The following EYA3 variants were observed in gnomAD, a reference collection of about 807,000 sequenced individuals.
EYA3 encodes EYA transcriptional coactivator and phosphatase 3.
Under a neutral mutation model 80.0 loss-of-function variants are expected in EYA3, and 39 were observed. The observed-to-expected ratio is 0.49, with a 90% confidence interval of 0.38 to 0.64. The LOEUF (loss-of-function observed/expected upper bound fraction) is 0.64, where lower values mean the gene tolerates loss of function less well. Among genes scored for constraint, EYA3 ranks in the 30% least tolerant of loss-of-function variants. The pLI, the probability that EYA3 is intolerant of heterozygous loss-of-function variation, is 0.00. For synonymous variants in EYA3, 206 were observed against 232.8 expected (o/e 0.88, Z 1.05); for missense variants, 523 against 676.1 (o/e 0.77, Z 2.51).
chr1:28,055,656 A>G (rs1215924045), intron 2 of EYA3, among the ~76,000 whole-genome samples: 1 of 151,962 alleles, frequency 6.6e-6, no homozygotes, highest in Admixed American at 6.6e-5. Flanking sequence ...TTTTTAGTAG[A>G]GATGGGGTCT....
chr1:27,993,567 G>A lies in EYA3; in HGVS notation c.1143-7C>T. ...TGTTGAGAAACTGTAGTTGCTGCAAGGAGAGAAGATAATAAAAATTAAAAT... is the reference window on the plus strand; with the variant it reads ...TGTTGAGAAACTGTAGTTGCTGCAAAGAGAGAAGATAATAAAAATTAAAAT... On this transcript the variant is annotated splice_region_variant and splice_polypyrimidine_tract_variant and intron_variant, in intron 13 of 17. Transcript: ENST00000373871. The A allele has an allele frequency of 6.4e-7, 1 of 1,567,712 alleles. No homozygotes were observed. Among genetic ancestry groups the A allele is most frequent in the Non-Finnish European group, 8.6e-7 (1 of 1,164,838 alleles).
At chr1:27,992,400 G>A (rs1461754912) in intron 14 of EYA3, among the ~76,000 whole-genome samples, 1 of 152,136 alleles carries the variant, frequency 6.6e-6, no homozygotes, top group African/African-American at 2.4e-5. Context: ...ACTCCTATGA[G>A]AATCTAATGC....
At chr1:28,059,455 C>A (rs541581751) in intron 1 of EYA3, among the ~76,000 whole-genome samples, 3 of 152,216 alleles carry the variant, frequency 2.0e-5, no homozygotes, top group African/African-American at 2.4e-5. Context: ...ATCTTCCCTG[C>A]ACTTGTTTTG....
In EYA3 at chr1:28,062,793, G is replaced by A. The variant is rs117666399; in HGVS notation, c.-68-4699C>T. On this transcript the variant is annotated intron_variant, in intron 1 of 17. Transcript: ENST00000373871. ...AAGCAGGCGGATCACTTGAGGTCAG[G>A]AGTTTCAAACTAGCCTGGCCAACAT... is the stretch of plus-strand genomic sequence containing the variant. Among the ~76,000 whole-genome samples, 184 of 151,926 alleles carry A rather than the reference G, an allele frequency of 1.2e-3. 2 individuals are homozygous for A. The East Asian group carries it at 0.032, about 26-fold the overall frequency.
At chr1:28,015,020 TG>T (rs1404503201) in intron 8 of EYA3, among the ~76,000 whole-genome samples, 2 of 152,192 alleles carry the variant, frequency 1.3e-5, no homozygotes, top group African/African-American at 4.8e-5. Flanking sequence ...TATATGTATG[TG>T]TGTATTTGTG....
chr1:28,076,211 T>G lies in EYA3; in HGVS notation c.-69+12313A>C, dbSNP rs555106602. On this transcript the variant is annotated intron_variant, in intron 1 of 17. Transcript: ENST00000373871. ...TAAATAAATAGTGCAGCCAACTGACTGCAGTAAATTTGGTGAATTCTTCTG... is the reference window on the plus strand; with the variant it reads ...TAAATAAATAGTGCAGCCAACTGACGGCAGTAAATTTGGTGAATTCTTCTG... Among the ~76,000 whole-genome samples the G allele has an allele frequency of 3.3e-5, 5 of 152,226 alleles. No individual in the cohort carries two copies. In the South Asian group the frequency reaches 1.0e-3, roughly 32 times the overall value.
chr1:28,051,839 C>T (rs1644262152), intron 2 of EYA3, among the ~76,000 whole-genome samples: 1 of 151,816 alleles, frequency 6.6e-6, no homozygotes, highest in African/African-American at 2.4e-5. Flanking sequence ...GGTAATACTC[C>T]CCAAATTGGT....
intron 9 of EYA3, among the ~76,000 whole-genome samples, chr1:28,011,305 C>T (rs1641682129): frequency 6.6e-6 from 1 of 152,140 alleles, no homozygotes; most frequent in African/African-American, 2.4e-5. Context: ...TATATGCTTA[C>T]CCCATGATAG....
In EYA3 at chr1:27,971,690, A is replaced by C. The variant is rs1406257376; in HGVS notation, c.*2776T>G. The C allele has an allele frequency of 1.3e-5, 2 of 151,756 alleles. No homozygotes were observed. The highest frequency in any genetic ancestry group is 2.9e-5 in the Non-Finnish European group (2 of 67,994). The allele number at this position is 151,756 out of a possible 1,614,324, so 9.4% of individuals were successfully genotyped here. A position where few individuals can be genotyped will look rare whatever the true frequency, so the allele number is the denominator to read the frequency against. On this transcript the variant is annotated 3_prime_UTR_variant, in exon 18 of 18. Coordinates refer to ENST00000373871, the MANE Select transcript of EYA3 (RefSeq NM_001990.4). Reference sequence around the variant, plus strand: ...ATTTGGCTAATTTCATGAGGACTCTAATGAAGAGGGTCTCCCCCTTGATGA... The same window carrying C: ...ATTTGGCTAATTTCATGAGGACTCTCATGAAGAGGGTCTCCCCCTTGATGA...
intron 7 of EYA3, among the ~76,000 whole-genome samples, chr1:28,019,195 A>T (rs559531181): frequency 6.6e-6 from 1 of 152,204 alleles, no homozygotes; most frequent in Admixed American, 6.6e-5. Context: ...TAAAACAACA[A>T]AAACAAAAAC....
intron 7 of EYA3, among the ~76,000 whole-genome samples, chr1:28,024,013 C>T (rs766457389): frequency 1.7e-4 from 26 of 152,102 alleles, no homozygotes; most frequent in Non-Finnish European, 3.2e-4. Context: ...CCGAGGCAGG[C>T]GGATCACTTG....
chr1:27,991,879 A>G (rs1164438494), intron 14 of EYA3, among the ~76,000 whole-genome samples: 2 of 152,212 alleles, frequency 1.3e-5, no homozygotes, highest in Non-Finnish European at 2.9e-5. Context: ...GGGAAAAGAT[A>G]AAGAGACTCA....
At chr1:28,074,508 ACTTT>A (rs1391896605) in intron 1 of EYA3, among the ~76,000 whole-genome samples, 5 of 144,190 alleles carry the variant, frequency 3.5e-5, no homozygotes, top group Admixed American at 7.0e-5. Context: ...AGTTCTTTGA[ACTTT>A]CTTTTTTTTT....
At chr1:28,058,146 A>G (rs542006885) in intron 1 of EYA3, 52 bp from the exon 2 acceptor site, 67 of 663,204 alleles carry the variant, frequency 1.0e-4, no homozygotes, top group Middle Eastern at 3.5e-4. Flanking sequence ...AAGTATTATC[A>G]TTGAGGCCAT....
At chr1:28,028,734 T>C (rs1571843381) in intron 6 of EYA3, among the ~76,000 whole-genome samples, 1 of 152,236 alleles carries the variant, frequency 6.6e-6, no homozygotes, top group East Asian at 1.9e-4. Context: ...CTTCTATGTA[T>C]TCACTAATCT....
At chr1:27,986,580 A>G (rs1217436250) in intron 16 of EYA3, among the ~76,000 whole-genome samples, 1 of 151,770 alleles carries the variant, frequency 6.6e-6, no homozygotes, top group Non-Finnish European at 1.5e-5. Flanking sequence ...TATTTTTAGT[A>G]GAGACAGAGT....
At chr1:28,062,998 C>T (rs908716002) in intron 1 of EYA3, among the ~76,000 whole-genome samples, 3 of 142,958 alleles carry the variant, frequency 2.1e-5, no homozygotes, top group Admixed American at 1.4e-4. Context: ...AACTGACTAA[C>T]GCTCCATCTC....
At chr1:28,073,127 A>ATATATATATTTT (rs1553157671) in intron 1 of EYA3, among the ~76,000 whole-genome samples, 5 of 14,998 alleles carry the variant, frequency 3.3e-4, no homozygotes, top group African/African-American at 6.3e-4. Flanking sequence ...ATATATATAT[A>ATATATATATTTT]TTTTTTTTTT....
chr1:27,982,035 CTT>C (rs1330143241), intron 16 of EYA3, among the ~76,000 whole-genome samples: 1 of 139,110 alleles, frequency 7.2e-6, no homozygotes, highest in Non-Finnish European at 1.5e-5. Context: ...GAGACAGAGT[CTT>C]TCTCTGTTGC....
Sources: allele counts gnomAD v4.1 joint callset (sites outside exome capture counted in the v4.1 genomes callset), GRCh38; gene constraint gnomAD v4.1.1; transcripts MANE v1.5; gene names NCBI Gene and HGNC (gene_info 2026-07-23, HGNC 2026-07-21).